Variants in UGT1A8 observed in about 807,000 individuals in gnomAD.
The protein encoded by UGT1A8 is UDP-glucuronosyltransferase 1A8.
A neutral mutation model predicts 45.3 loss-of-function variants in UGT1A8; 39 were observed. That is an observed-to-expected ratio of 0.86 (90% CI 0.67 to 1.12). The LOEUF is 1.12. Among genes scored for constraint, UGT1A8 ranks in the 50% most tolerant of loss-of-function variants. UGT1A8 has a pLI of 0.00. For synonymous variants in UGT1A8, 275 were observed against 249.2 expected (o/e 1.10, Z -0.97); for missense variants, 719 against 664.9 (o/e 1.08, Z -0.90).
intron 1 of UGT1A8, chr2:233,713,265 C>G (rs770209123): frequency 1.2e-6 from 2 of 1,614,226 alleles, no homozygotes; most frequent in Non-Finnish European, 1.7e-6. Context: ...ATTTGATCGC[C>G]TTTTGCTGGG....
At chr2:233,637,742 A>C (rs2073339690) in intron 1 of UGT1A8, among the ~76,000 whole-genome samples, 2 of 152,180 alleles carry the variant, frequency 1.3e-5, no homozygotes, top group South Asian at 4.1e-4. Context: ...CATTGAAAAA[A>C]AGTATTTTAG....
intron 1 of UGT1A8, among the ~76,000 whole-genome samples, chr2:233,766,688 C>T (rs1199007770): frequency 2.6e-5 from 4 of 152,166 alleles, no homozygotes; most frequent in Admixed American, 6.5e-5. Context: ...TTCTGTATCA[C>T]TGATGCCTTG....
rs147479386 is a variant in UGT1A8 at position 233,767,984 on chromosome 2, G to A, written c.1075+48G>A. The A allele has an allele frequency of 9.4e-4, 1,519 of 1,614,138 alleles. 17 individuals carry two copies. The African/African-American group carries it at 0.018, about 19-fold the overall frequency. On this transcript the variant is annotated intron_variant, in intron 3 of 4. Transcript: ENST00000373450. ...ATAGGTCAAACCAGGGTCAAATTAAGAAAATGGCTTAAGCACAGCTATTCT... is the reference window on the plus strand; with the variant it reads ...ATAGGTCAAACCAGGGTCAAATTAAAAAAATGGCTTAAGCACAGCTATTCT...
At chr2:233,678,570 T>A (rs960658602) in intron 1 of UGT1A8, among the ~76,000 whole-genome samples, 1 of 152,218 alleles carries the variant, frequency 6.6e-6, no homozygotes, top group Non-Finnish European at 1.5e-5. Flanking sequence ...GTACTAATCC[T>A]TCTTCCCCAT....
intron 1 of UGT1A8, chr2:233,719,497 C>T (rs774203287): frequency 1.2e-6 from 2 of 1,613,882 alleles, no homozygotes; most frequent in African/African-American, 2.7e-5. Flanking sequence ...ATTTGCCATA[C>T]TTTTTCTGCC....
At chr2:233,760,083 G>C (rs1163366183) in intron 1 of UGT1A8, among the ~76,000 whole-genome samples, 1 of 152,198 alleles carries the variant, frequency 6.6e-6, no homozygotes, top group Non-Finnish European at 1.5e-5. Context: ...ATTCCAGCCA[G>C]TTCAACTGTT....
At position 233,769,556 on chromosome 2, in the gene UGT1A8, A is replaced by G. The variant is rs1699895169; in HGVS notation, c.1295+1117A>G. 6.2e-7 allele frequency: 1 copy of G among 1,612,744 alleles called. No individual in the cohort carries two copies. Among genetic ancestry groups the G allele is most frequent in the African/African-American group, 1.3e-5 (1 of 74,934 alleles). On this transcript the variant is annotated intron_variant, in intron 4 of 4. Transcript: ENST00000373450. The surrounding 1 kb of genome is among the most constrained non-coding windows in gnomAD (Gnocchi z 4.4). ...AAAGAAGCAGCAGTCAGGAAGACAG[A>G]TGTGAAGAGCTGGAGCATGTTCAGA...
intron 2 of UGT1A8, 121 bp downstream of exon 2, chr2:233,767,286 C>T (rs967346318): frequency 1.9e-6 from 3 of 1,568,700 alleles, no homozygotes; most frequent in Non-Finnish European, 2.6e-6. Flanking sequence ...CCTGCCACTT[C>T]CCAACTATTA....
At chr2:233,711,289 G>A (rs1304407037) in intron 1 of UGT1A8, among the ~76,000 whole-genome samples, 1 of 152,208 alleles carries the variant, frequency 6.6e-6, no homozygotes, top group Admixed American at 6.5e-5. Flanking sequence ...CTAGACGTGG[G>A]AGTAGAAATT....
chr2:233,637,078 C>T, intron 1 of UGT1A8: 2 of 1,613,930 alleles, frequency 1.2e-6, no homozygotes, highest in Non-Finnish European at 1.7e-6. Context: ...GTGCCCTGCT[C>T]CTCTTTCCTA....
At chr2:233,640,017 T>TG (rs755634249) in intron 1 of UGT1A8, among the ~76,000 whole-genome samples, 11 of 152,300 alleles carry the variant, frequency 7.2e-5, no homozygotes, top group Middle Eastern at 3.4e-3. Context: ...ATACCATCCA[T>TG]GGTAGGTGCA....
chr2:233,767,214 T>A (rs1420134896), intron 2 of UGT1A8, 49 bp downstream of exon 2: 25 of 1,612,300 alleles, frequency 1.6e-5, no homozygotes, highest in Non-Finnish European at 2.1e-5. Flanking sequence ...ACAGGAGCGC[T>A]AATCCCAGAC....
At chr2:233,724,652 A>G (rs1267696968) in intron 1 of UGT1A8, among the ~76,000 whole-genome samples, 1 of 140,816 alleles carries the variant, frequency 7.1e-6, no homozygotes, top group Non-Finnish European at 1.5e-5. Flanking sequence ...GCGGCTGGGA[A>G]GAGGCGCTCC....
At chr2:233,752,558 C>A (rs1695002027) in intron 1 of UGT1A8, 1 of 152,132 alleles carries the variant, frequency 6.6e-6, no homozygotes, top group Non-Finnish European at 1.5e-5. Context: ...GCTGGGACAA[C>A]ATAGTGGGTC....
chr2:233,729,473 T>G, intron 1 of UGT1A8: 1 of 1,614,206 alleles, frequency 6.2e-7, no homozygotes, highest in Non-Finnish European at 8.5e-7. Flanking sequence ...AGTATGGCAA[T>G]GTTGAACAAT....
At chr2:233,623,888 A>G (rs961893175) in intron 1 of UGT1A8, among the ~76,000 whole-genome samples, 13 of 152,132 alleles carry the variant, frequency 8.5e-5, no homozygotes, top group Non-Finnish European at 1.5e-5. Context: ...GATCATCCAG[A>G]CAGCTCCCAT....
At chr2:233,635,287 G>T (rs989502355) in intron 1 of UGT1A8, among the ~76,000 whole-genome samples, 1 of 150,576 alleles carries the variant, frequency 6.6e-6, no homozygotes, top group Non-Finnish European at 1.5e-5. Context: ...TCTTGGAGTT[G>T]CTTTTCTCGA....
intron 1 of UGT1A8, chr2:233,747,118 C>G: frequency 6.9e-7 from 1 of 1,458,022 alleles, no homozygotes. Flanking sequence ...TGATGATTTG[C>G]TAAGTGGCTC....
Position 233,643,705 on chromosome 2 carries a change from C to T in UGT1A8, c.855+25143C>T, listed in dbSNP as rs542218423. Among the ~76,000 whole-genome samples the T allele has an allele frequency of 3.7e-4, 56 of 152,282 alleles. No individual in the cohort carries two copies. In the South Asian group the frequency reaches 3.7e-3, roughly 10 times the overall value. ...CTCAGAGGCTCACCAAGGCCCTTGA[C>T]GTAGTACGAGGTTTCACTGCTGGTA... On this transcript the variant is annotated intron_variant, in intron 1 of 4. Transcript: ENST00000373450.
Sources: gnomAD v4.1 joint callset for allele counts (sites outside exome capture counted in the v4.1 genomes callset) on GRCh38, gnomAD v4.1.1 for gene constraint, Gnocchi (gnomAD v3.1) non-coding constraint, MANE v1.5 for transcripts, NCBI Gene and HGNC (gene_info 2026-07-23, HGNC 2026-07-21) for gene names.